Variants in XCL2 observed in about 807,000 individuals in gnomAD.
XCL2 encodes the protein cytokine SCM-1 beta.
In XCL2, 8 loss-of-function variants were observed where a neutral mutation model predicts 7.2. That is an observed-to-expected ratio of 1.10 (90% CI 0.65 to 1.99). The LOEUF is 1.99. Among genes scored for constraint, XCL2 ranks in the 30% most tolerant of loss-of-function variants. The pLI is 0.00. For missense variants in XCL2, 131 were observed against 138.6 expected (o/e 0.94, Z 0.28); for synonymous variants, 46 against 54.2 (o/e 0.85, Z 0.67).
At position 168,543,805 on chromosome 1, in the gene XCL2, C is replaced by A. The variant is rs377542472; in HGVS notation, c.61+99G>T. ...GGGAAGTTTAAGGCTCCCCTGGAGA[C>A]AGCAGTTTAGTCCAGTCAAAACCCG... On this transcript the variant is annotated intron_variant, in intron 1 of 2. Transcript: ENST00000367819. 2,614 of 1,563,734 alleles carry A rather than the reference C, an allele frequency of 1.7e-3. 2 individuals are homozygous for A. Among genetic ancestry groups the A allele is most frequent in the Middle Eastern group, 4.7e-3 (28 of 5,930 alleles).
Position 168,542,534 on chromosome 1 carries a change from C to A in XCL2, c.62-427G>T, listed in dbSNP as rs113108230. Reference sequence around the variant, plus strand: ...ATCTTCTCATGAGGGAGCCAGGCAGCAGACAGGCAAACAGAAAAGATCATT... The same window carrying A: ...ATCTTCTCATGAGGGAGCCAGGCAGAAGACAGGCAAACAGAAAAGATCATT... On this transcript the variant is annotated intron_variant, in intron 1 of 2. Coordinates refer to ENST00000367819, the MANE Select transcript of XCL2 (RefSeq NM_003175.4). 2.7e-4 allele frequency among the ~76,000 whole-genome samples: 41 copies of A among 152,066 alleles called. No individual in the cohort carries two copies. The South Asian group carries it at 3.1e-3, about 12-fold the overall frequency.
chr1:168,541,393 C>T (rs757350136), intron 2 of XCL2, among the ~76,000 whole-genome samples: 1 of 152,124 alleles, frequency 6.6e-6, no homozygotes, highest in Non-Finnish European at 1.5e-5. Context: ...AACAAAAAGA[C>T]ATTTGAGGCC....
chr1:168,542,291 T>A (rs1275046885), intron 1 of XCL2, among the ~76,000 whole-genome samples, 184 bp from the exon 2 acceptor site: 1 of 151,936 alleles, frequency 6.6e-6, no homozygotes, highest in African/African-American at 2.4e-5. Context: ...AGTAAATATT[T>A]GACTAATTTA....
At chr1:168,541,262 T>C in intron 2 of XCL2, 142 bp from the exon 3 acceptor site, 1 of 1,183,728 alleles carries the variant, frequency 8.4e-7, no homozygotes, top group Non-Finnish European at 1.2e-6. Context: ...AGATCATAAA[T>C]GAGCACCCTT....
intron 1 of XCL2, 142 bp from the exon 2 acceptor site, chr1:168,542,249 C>T (rs1654303482): frequency 2.0e-6 from 1 of 507,692 alleles, no homozygotes; most frequent in Admixed American, 4.0e-5. Context: ...GACTGATAGG[C>T]ATCCCGAATC....
intron 1 of XCL2, 76 bp from the exon 2 acceptor site, chr1:168,542,183 A>T (rs868269789): frequency 4.4e-5 from 56 of 1,279,514 alleles, no homozygotes; most frequent in Non-Finnish European, 5.8e-5. Context: ...CGTCTGTTAA[A>T]TTACTCTGAG....
At chr1:168,542,201 T>G in intron 1 of XCL2, 94 bp from the exon 2 acceptor site, 1 of 1,160,016 alleles carries the variant, frequency 8.6e-7, no homozygotes, top group Non-Finnish European at 1.2e-6. Flanking sequence ...GAGAATGTTG[T>G]GAGAATATAA....
intron 1 of XCL2, among the ~76,000 whole-genome samples, chr1:168,542,420 T>G (rs1470552879): frequency 6.6e-6 from 1 of 152,116 alleles, no homozygotes; most frequent in Non-Finnish European, 1.5e-5. Flanking sequence ...AATGCCCCAG[T>G]GACACGCATT....
chr1:168,543,352 C>A, intron 1 of XCL2: 1 of 201,356 alleles, frequency 5.0e-6, no homozygotes, highest in Non-Finnish European at 1.0e-5. Flanking sequence ...CGCCTTCACA[C>A]AGGTTTTGTA....
intron 1 of XCL2, chr1:168,543,379 G>A (rs754592915): frequency 2.9e-4 from 56 of 190,852 alleles, no homozygotes; most frequent in African/African-American, 1.2e-3. Flanking sequence ...ACATTGATTT[G>A]CTCCAGAACA....
intron 2 of XCL2, among the ~76,000 whole-genome samples, chr1:168,541,570 A>G (rs991666772): frequency 4.6e-5 from 7 of 152,132 alleles, no homozygotes; most frequent in African/African-American, 1.4e-4. Flanking sequence ...GAAGAAAGGG[A>G]CCATGTAGGT....
chr1:168,542,953 G>A (rs754314944), intron 1 of XCL2: 39 of 317,500 alleles, frequency 1.2e-4, no homozygotes, highest in Non-Finnish European at 1.6e-4. Context: ...TCCTCTATAA[G>A]CAGCTGAAAA....
Position 168,540,768 on chromosome 1 carries a change from T to C in XCL2, c.*184A>G. 1.5e-6 allele frequency: 1 copy of C among 687,658 alleles called. No homozygotes were observed. The highest frequency in any genetic ancestry group is 2.2e-6 in the Non-Finnish European group (1 of 462,872). The allele number at this position is 687,658 out of a possible 1,614,324, so 42.6% of individuals were successfully genotyped here. On this transcript the variant is annotated 3_prime_UTR_variant, in exon 3 of 3. Coordinates refer to ENST00000367819, the MANE Select transcript of XCL2 (RefSeq NM_003175.4). ...TAATGAATAGACTAGGGAACTATTC[T>C]TAATAATAAATAATTTATTAATTAG...
At chr1:168,541,703 T>A (rs1654287580) in intron 2 of XCL2, among the ~76,000 whole-genome samples, 1 of 152,092 alleles carries the variant, frequency 6.6e-6, no homozygotes, top group Non-Finnish European at 1.5e-5. Flanking sequence ...GAGCCAGCCA[T>A]CTCTAAACCC....
In XCL2 at chr1:168,542,065, A is replaced by T; in HGVS notation, c.104T>A (p.Leu35His). 6.4e-7 allele frequency: 1 copy of T among 1,563,086 alleles called. No homozygotes were observed. The highest frequency in any genetic ancestry group is 8.7e-7 in the Non-Finnish European group (1 of 1,147,098). The change falls in exon 2 of 3, where the codon CTC (leucine) becomes CAC (histidine). Residue 35 changes from leucine (L) to histidine (H), a missense_variant. Leu to His is a moderately conservative substitution (Grantham distance 99). Coordinates refer to ENST00000367819, the MANE Select transcript of XCL2 (RefSeq NM_003175.4). ...GCTAACTGGCAGTCGCTGGGTAGTG[A>T]GGCTCACACAGGTCCTCCTATGTGA... is the stretch of plus-strand genomic sequence containing the variant. ...EVSHRRTCVSLTTQRLPVSRI... is the reference protein window; with the variant it reads ...EVSHRRTCVSHTTQRLPVSRI...
chr1:168,542,613 G>T (rs1654313063), intron 1 of XCL2: 1 of 158,202 alleles, frequency 6.3e-6, no homozygotes, highest in African/African-American at 2.4e-5. Context: ...AGTAATGCGT[G>T]AAGAGTACTC....
In XCL2 at chr1:168,541,148, G is replaced by A. The variant is rs537786332; in HGVS notation, c.177-28C>T. 1.9e-6 allele frequency: 3 copies of A among 1,610,174 alleles called. No individual in the cohort carries two copies. The East Asian group carries it at 6.7e-5, about 36-fold the overall frequency. On this transcript the variant is annotated intron_variant, in intron 2 of 2. Coordinates refer to ENST00000367819, the MANE Select transcript of XCL2 (RefSeq NM_003175.4). ...GTAACGCAAGGAAAAGACAGATGAA[G>A]TTAGCCACGTTCTCAAAGCCTCAGG... is the stretch of plus-strand genomic sequence containing the variant.
At chr1:168,543,570 A>G (rs1057125420) in intron 1 of XCL2, among the ~76,000 whole-genome samples, 2 of 146,978 alleles carry the variant, frequency 1.4e-5, no homozygotes, top group African/African-American at 4.9e-5. Flanking sequence ...TAAATAAACC[A>G]TAATATTTAT....
rs754751363 is a variant in XCL2 at position 168,542,017 on chromosome 1, G to C, written c.152C>G (p.Thr51Arg). The change falls in exon 2 of 3, where the codon ACG (threonine) becomes AGG (arginine). Residue 51 changes from threonine (T) to arginine (R), a missense_variant. Transcript: ENST00000367819. ...PVSRIKTYTITEGSLRAVIFI... is the reference protein window; with the variant it reads ...PVSRIKTYTIREGSLRAVIFI... ...CATTACTGCTCTCAAGGAGCCTTCCGTGATGGTGTAGGTCTTGATTCTGCT... is the reference window on the plus strand; with the variant it reads ...CATTACTGCTCTCAAGGAGCCTTCCCTGATGGTGTAGGTCTTGATTCTGCT... 1.2e-6 allele frequency: 2 copies of C among 1,609,210 alleles called. No homozygotes were observed. Among genetic ancestry groups the C allele is most frequent in the Non-Finnish European group, 8.5e-7 (1 of 1,177,716 alleles).
Sources: allele counts gnomAD v4.1 joint callset (sites outside exome capture counted in the v4.1 genomes callset), GRCh38; gene constraint gnomAD v4.1.1; transcripts MANE v1.5; gene names NCBI Gene and HGNC (gene_info 2026-07-23, HGNC 2026-07-21).